Variants in DCAF6 observed in about 807,000 individuals in gnomAD.
The protein encoded by DCAF6 is DDB1- and CUL4-associated factor 6.
DCAF6 carries 54 observed loss-of-function variants against 125.1 expected under a neutral mutation model. That is an observed-to-expected ratio of 0.43 (90% CI 0.35 to 0.54). The LOEUF (loss-of-function observed/expected upper bound fraction) is 0.54, where lower values mean the gene tolerates loss of function less well. Ranked by LOEUF, DCAF6 falls within the 20% of genes least tolerant of loss-of-function variation. The pLI is 0.01. For missense variants in DCAF6, 934 were observed against 1,161.7 expected (o/e 0.80, Z 2.85); for synonymous variants, 371 against 390.4 (o/e 0.95, Z 0.58).
chr1:167,959,404 G>A (rs1675252165), intron 2 of DCAF6, among the ~76,000 whole-genome samples: 1 of 152,150 alleles, frequency 6.6e-6, no homozygotes, highest in Non-Finnish European at 1.5e-5. Context: ...GTGGACATAC[G>A]TTTTCAGCTC....
chr1:167,915,786 G>T, the DCAF6 span, among the ~76,000 whole-genome samples: 1 of 152,100 alleles, frequency 6.6e-6, no homozygotes, highest in East Asian at 1.9e-4. Context: ...AATATTTACT[G>T]TGGACCAGGC....
intron 3 of DCAF6, among the ~76,000 whole-genome samples, 174 bp from the exon 4 acceptor site, chr1:167,974,656 A>C (rs1168121657): frequency 6.6e-6 from 1 of 152,184 alleles, no homozygotes; most frequent in Non-Finnish European, 1.5e-5. Flanking sequence ...AGGGAACAAA[A>C]GAAAATATAT....
At chr1:167,973,589 ATTTT>A (rs998900031) in intron 3 of DCAF6, among the ~76,000 whole-genome samples, 1 of 152,040 alleles carries the variant, frequency 6.6e-6, no homozygotes, top group African/African-American at 2.4e-5. Flanking sequence ...CACCTTAAAC[ATTTT>A]TTTAATTCAG....
At chr1:167,874,506 C>T in the DCAF6 span, among the ~76,000 whole-genome samples, 1 of 152,120 alleles carries the variant, frequency 6.6e-6, no homozygotes, top group Admixed American at 6.5e-5. Context: ...TGAAGAACAA[C>T]TGGAACTCTC....
At chr1:167,903,129 G>A in the DCAF6 span, among the ~76,000 whole-genome samples, 2 of 151,894 alleles carry the variant, frequency 1.3e-5, no homozygotes, top group East Asian at 1.9e-4. Context: ...GGTGGCGCAC[G>A]CCTGTAACCC....
At chr1:167,942,604 C>G (rs1443899153) in intron 1 of DCAF6, among the ~76,000 whole-genome samples, 1 of 152,130 alleles carries the variant, frequency 6.6e-6, no homozygotes, top group East Asian at 1.9e-4. Flanking sequence ...ATCTAAGAAT[C>G]TTTACCTAAT....
chr1:167,928,212 G>A, the DCAF6 span, among the ~76,000 whole-genome samples: 2 of 151,944 alleles, frequency 1.3e-5, no homozygotes, highest in Middle Eastern at 3.2e-3. Context: ...GCTGCGCGTG[G>A]TGGCAGGCGG....
At chr1:167,883,722 A>C in the DCAF6 span, 3 of 1,166,336 alleles carry the variant, frequency 2.6e-6, no homozygotes, top group South Asian at 1.3e-5. Flanking sequence ...CATCTAGGGA[A>C]TGTCTACCTC....
upstream of DCAF6, among the ~76,000 whole-genome samples, chr1:167,933,050 C>G (rs377068831): frequency 1.3e-5 from 2 of 151,868 alleles, no homozygotes; most frequent in African/African-American, 4.8e-5. Context: ...AGTGGCAGAT[C>G]ATGACATGCC....
At chr1:168,026,048 A>G (rs936939999) in intron 12 of DCAF6, among the ~76,000 whole-genome samples, 4 of 152,030 alleles carry the variant, frequency 2.6e-5, no homozygotes, top group African/African-American at 7.2e-5. Context: ...TTGTTGAGCA[A>G]TTTCTACTCA....
chr1:168,004,177 T>G (rs754516053), intron 9 of DCAF6, among the ~76,000 whole-genome samples, 188 bp downstream of exon 9: 1 of 152,164 alleles, frequency 6.6e-6, no homozygotes, highest in Non-Finnish European at 1.5e-5. Flanking sequence ...CTGGTGCCAT[T>G]GGACCTAGTG....
At chr1:167,865,671 G>T in the DCAF6 span, among the ~76,000 whole-genome samples, 1 of 152,162 alleles carries the variant, frequency 6.6e-6, no homozygotes, top group African/African-American at 2.4e-5. Flanking sequence ...TTTTACTAGA[G>T]GATCATAGAA....
chr1:167,983,329 G>A (rs905103903), intron 4 of DCAF6, among the ~76,000 whole-genome samples: 13 of 152,136 alleles, frequency 8.5e-5, no homozygotes, highest in African/African-American at 2.7e-4. Flanking sequence ...GTTGCTGTTT[G>A]TTGTTGTCAT....
intron 11 of DCAF6, among the ~76,000 whole-genome samples, chr1:168,016,467 T>G (rs1684989125): frequency 6.6e-6 from 1 of 152,194 alleles, no homozygotes; most frequent in African/African-American, 2.4e-5. Flanking sequence ...TTTCAATATT[T>G]GCTTTCTTAT....
the DCAF6 span, chr1:167,893,955 A>T: frequency 6.2e-7 from 1 of 1,600,940 alleles, no homozygotes; most frequent in Non-Finnish European, 8.6e-7. Flanking sequence ...AGAAGGCAGA[A>T]GGAGGGTGCA....
chr1:168,004,084 T>G, intron 9 of DCAF6, 95 bp downstream of exon 9: 2 of 1,394,256 alleles, frequency 1.4e-6, no homozygotes, highest in Non-Finnish European at 2.0e-6. Flanking sequence ...ATACCATGTT[T>G]TACATCTGTA....
intron 4 of DCAF6, among the ~76,000 whole-genome samples, chr1:167,982,042 C>T (rs1202911157): frequency 6.6e-6 from 1 of 152,092 alleles, no homozygotes; most frequent in African/African-American, 2.4e-5. Flanking sequence ...ACTTTTGTTT[C>T]TTGACTTTTT....
At chr1:167,901,618 C>A in the DCAF6 span, 17 of 1,597,150 alleles carry the variant, frequency 1.1e-5, no homozygotes, top group Non-Finnish European at 1.5e-5. Context: ...GAGTCAAGAC[C>A]CTATCCCAGC....
chr1:167,965,300 G>A (rs1444618523), intron 2 of DCAF6, among the ~76,000 whole-genome samples: 1 of 152,166 alleles, frequency 6.6e-6, no homozygotes, highest in Non-Finnish European at 1.5e-5. Context: ...GGTGGAACAG[G>A]TTAGTAGATT....
Sources: gnomAD v4.1 joint callset for allele counts (sites outside exome capture counted in the v4.1 genomes callset) on GRCh38, gnomAD v4.1.1 for gene constraint, MANE v1.5 for transcripts, NCBI Gene and HGNC (gene_info 2026-07-23, HGNC 2026-07-21) for gene names.